Variants in ITPR2 observed in about 807,000 individuals in gnomAD.
The protein encoded by ITPR2 is inositol 1,4,5-trisphosphate receptor type 2, also known as inositol 1,4,5-trisphosphate-gated calcium channel ITPR2.
In ITPR2, 207 loss-of-function variants were observed where a neutral mutation model predicts 317.1. The observed-to-expected ratio is 0.65, with a 90% CI of 0.58 to 0.73. The LOEUF (loss-of-function observed/expected upper bound fraction) is 0.73. ITPR2 is among the 30% of genes least tolerant of loss of function. The pLI is 0.00. For synonymous variants in ITPR2, 1,156 were observed against 1,149.1 expected (o/e 1.01, Z -0.12); for missense variants, 2,613 against 3,284.0 (o/e 0.80, Z 4.99).
chr12:26,408,632 T>C (rs531307253), intron 52 of ITPR2, among the ~76,000 whole-genome samples: 19 of 152,296 alleles, frequency 1.2e-4, no homozygotes, highest in African/African-American at 4.6e-4. Context: ...TGGGTGAGAC[T>C]CAGATCCTCT....
chr12:26,437,850 G>A (rs1941391960), intron 47 of ITPR2, among the ~76,000 whole-genome samples: 1 of 152,132 alleles, frequency 6.6e-6, no homozygotes, highest in Non-Finnish European at 1.5e-5. Context: ...CGCCCAGGCT[G>A]GAGTGCAGTG....
intron 34 of ITPR2, among the ~76,000 whole-genome samples, chr12:26,567,961 TA>T (rs1338163750): frequency 0.016 from 91 of 5,608 alleles, 5 homozygotes; most frequent in Non-Finnish European, 0.061. Flanking sequence ...TATATATATA[TA>T]TATATATTAT....
intron 37 of ITPR2, among the ~76,000 whole-genome samples, chr12:26,505,300 G>T (rs551167606): frequency 6.6e-6 from 1 of 152,278 alleles, no homozygotes. Context: ...GATACACAAT[G>T]CAACACCTAC....
intron 2 of ITPR2, among the ~76,000 whole-genome samples, chr12:26,735,987 T>C (rs1402557731): frequency 6.6e-6 from 1 of 152,230 alleles, no homozygotes; most frequent in Non-Finnish European, 1.5e-5. Flanking sequence ...TCCTATTAGA[T>C]AACATGTTTA....
intron 2 of ITPR2, among the ~76,000 whole-genome samples, chr12:26,785,626 A>G (rs866375403): frequency 0.59 from 6,734 of 11,414 alleles, 2,503 homozygotes; most frequent in African/African-American, 0.83. Context: ...CCCCCTGCCC[A>G]GCCAGCCGCC....
intron 8 of ITPR2, among the ~76,000 whole-genome samples, chr12:26,711,900 A>T (rs563596693): frequency 2.6e-5 from 4 of 152,302 alleles, no homozygotes; most frequent in African/African-American, 9.6e-5. Context: ...TAAGGTCTAA[A>T]CTACTTAATT....
At chr12:26,415,688 C>T (rs1940700307) in intron 50 of ITPR2, among the ~76,000 whole-genome samples, 190 bp from the exon 51 acceptor site, 1 of 152,118 alleles carries the variant, frequency 6.6e-6, no homozygotes, top group Admixed American at 6.5e-5. Flanking sequence ...AATTGTTTTT[C>T]TATAAAGATA....
At chr12:26,517,283 T>C (rs1200083783) in intron 37 of ITPR2, among the ~76,000 whole-genome samples, 1 of 152,152 alleles carries the variant, frequency 6.6e-6, no homozygotes, top group African/African-American at 2.4e-5. Flanking sequence ...GAGAAAATAT[T>C]TGCACACTCT....
intron 9 of ITPR2, among the ~76,000 whole-genome samples, chr12:26,708,696 A>G (rs1326073139): frequency 6.6e-6 from 1 of 152,206 alleles, no homozygotes; most frequent in East Asian, 1.9e-4. Context: ...TTGATAGCCC[A>G]ACAGGGTAAT....
At chr12:26,687,869 G>A (rs1053163974) in intron 10 of ITPR2, among the ~76,000 whole-genome samples, 2 of 152,000 alleles carry the variant, frequency 1.3e-5, no homozygotes, top group Non-Finnish European at 2.9e-5. Flanking sequence ...GAAAGCAGGG[G>A]TTCAGCAAAC....
At chr12:26,472,227 C>G (rs1203343040) in intron 45 of ITPR2, among the ~76,000 whole-genome samples, 1 of 152,228 alleles carries the variant, frequency 6.6e-6, no homozygotes, top group Non-Finnish European at 1.5e-5. Flanking sequence ...TTACATACAA[C>G]TGGCCTACTT....
rs1217463882 is a variant in ITPR2 at position 26,659,173 on chromosome 12, T to C, written c.1826A>G (p.His609Arg). The stretch of plus-strand genomic sequence containing the variant: ...TGTTTCTATTTCTTTTGCTGTGATA[T>C]GTTTCTCTAGTAGTTTTCTGTTGTT... ...LHNNRKLLEK[H>R]ITAKEIETFV... The change falls in exon 16 of 57, where the codon CAT (histidine) becomes CGT (arginine). Residue 609 changes from histidine (H) to arginine (R), a missense_variant. By Grantham distance (29) the His-to-Arg change is conservative (BLOSUM62 0). Coordinates refer to ENST00000381340, the MANE Select transcript of ITPR2 (RefSeq NM_002223.4). 6.2e-7 allele frequency: 1 copy of C among 1,613,702 alleles called. No individual in the cohort carries two copies. Among genetic ancestry groups the C allele is most frequent in the Admixed American group, 1.7e-5 (1 of 60,014 alleles).
chr12:26,437,631 TG>T (rs1208901076), intron 47 of ITPR2, among the ~76,000 whole-genome samples: 1 of 152,094 alleles, frequency 6.6e-6, no homozygotes, highest in Admixed American at 6.6e-5. Flanking sequence ...CATAATAAGC[TG>T]CTTCCAAATT....
At chr12:26,513,499 G>A (rs1308113785) in intron 37 of ITPR2, among the ~76,000 whole-genome samples, 1 of 152,028 alleles carries the variant, frequency 6.6e-6, no homozygotes, top group African/African-American at 2.4e-5. Context: ...TTCCTGTCCT[G>A]GGCAGCTCCA....
At chr12:26,542,665 A>T (rs1027190797) in intron 37 of ITPR2, among the ~76,000 whole-genome samples, 8 of 152,242 alleles carry the variant, frequency 5.3e-5, no homozygotes, top group African/African-American at 1.9e-4. Context: ...TAGCTATTGC[A>T]GAGGCAGCTC....
chr12:26,360,136 TACACAG>T (rs1938780005), intron 55 of ITPR2, among the ~76,000 whole-genome samples: 1 of 152,162 alleles, frequency 6.6e-6, no homozygotes, highest in Non-Finnish European at 1.5e-5. Context: ...GGGTGATGCC[TACACAG>T]TCAGAGCTGA....
chr12:26,785,410 C>G (rs1592129657), intron 2 of ITPR2, among the ~76,000 whole-genome samples: 1 of 77,320 alleles, frequency 1.3e-5, no homozygotes, highest in African/African-American at 3.8e-5. Flanking sequence ...CGGCCAGCCG[C>G]CCCGTCCAGG....
intron 1 of ITPR2, among the ~76,000 whole-genome samples, chr12:26,814,156 G>A (rs1326005724): frequency 6.6e-6 from 1 of 152,220 alleles, no homozygotes; most frequent in Non-Finnish European, 1.5e-5. Flanking sequence ...ACAGAGGTAA[G>A]GCTGCGGCAG....
intron 37 of ITPR2, among the ~76,000 whole-genome samples, chr12:26,526,053 G>A (rs1943802403): frequency 6.6e-6 from 1 of 152,134 alleles, no homozygotes; most frequent in South Asian, 2.1e-4. Context: ...TCACCCAGAC[G>A]AGAAGGTCCC....
Sources: gnomAD v4.1 joint callset for allele counts (sites outside exome capture counted in the v4.1 genomes callset) on GRCh38, gnomAD v4.1.1 for gene constraint, MANE v1.5 for transcripts, NCBI Gene and HGNC (gene_info 2026-07-23, HGNC 2026-07-21) for gene names.